NAV3: variants seen among roughly 807,000 people sequenced by gnomAD.
NAV3 encodes neuron navigator 3.
A neutral mutation model predicts 244.7 loss-of-function variants in NAV3; 87 were observed. The observed-to-expected ratio is 0.36, with a 90% CI of 0.30 to 0.42. The LOEUF (loss-of-function observed/expected upper bound fraction) is 0.42, where lower values mean the gene tolerates loss of function less well. NAV3 is among the 20% of genes least tolerant of loss of function. The probability of loss-of-function intolerance (pLI) is 1.00; values close to 1 mark genes in which losing one functional copy is unlikely to be tolerated. For missense variants in NAV3, 2,663 were observed against 2,893.3 expected, an observed-to-expected ratio of 0.92 and a Z score of 1.83; for synonymous variants, 1,126 against 1,042.2, an observed-to-expected ratio of 1.08 and a Z score of -1.55.
chr12:77,916,238 A>G (rs1359646008), intron 1 of NAV3, among the ~76,000 whole-genome samples: 1 of 152,064 alleles, frequency 6.6e-6, no homozygotes, highest in African/African-American at 2.4e-5. Flanking sequence ...TAAATAACAA[A>G]ACAAAAGGAA....
chr12:77,582,058 C>T (rs560061796), intron 2 of NAV3, among the ~76,000 whole-genome samples: 75 of 152,336 alleles, frequency 4.9e-4, no homozygotes, highest in Non-Finnish European at 9.0e-4. Flanking sequence ...GTAATCTTTA[C>T]GTCCACATGA....
At position 77,784,121 on chromosome 12, in the gene NAV3, G is replaced by A. The variant is rs139059667; in HGVS notation, c.73-156198G>A. 6.4e-3 allele frequency among the ~76,000 whole-genome samples: 968 copies of A among 152,166 alleles called. 6 individuals carry two copies. Among genetic ancestry groups the A allele is most frequent in the Non-Finnish European group, 7.1e-3 (482 of 67,988 alleles). ...CTTTCTGAGGAACAAATAAGACTAT[G>A]TACCCAAAGGACTTAGATTAGGACC... On this transcript the variant is annotated intron_variant, in intron 2 of 8. Transcript: ENST00000550042.
intron 1 of NAV3, among the ~76,000 whole-genome samples, chr12:77,850,917 C>T (rs953107589): frequency 5.3e-5 from 8 of 152,156 alleles, no homozygotes; most frequent in African/African-American, 1.9e-4. Flanking sequence ...AACTATTGCT[C>T]ATATTCTGCA....
At chr12:77,804,684 G>A (rs1342493900) in intron 2 of NAV3, among the ~76,000 whole-genome samples, 2 of 151,906 alleles carry the variant, frequency 1.3e-5, no homozygotes, top group African/African-American at 4.8e-5. Context: ...GAAATTTGAA[G>A]TGTTTTTTTT....
At chr12:77,975,908 G>C (rs1269339177) in intron 5 of NAV3, among the ~76,000 whole-genome samples, 1 of 152,168 alleles carries the variant, frequency 6.6e-6, no homozygotes, top group Non-Finnish European at 1.5e-5. Context: ...GTAGCAAGAA[G>C]TCATGGAAAA....
intron 12 of NAV3, among the ~76,000 whole-genome samples, chr12:78,077,148 C>A (rs1300761870): frequency 2.0e-5 from 3 of 151,830 alleles, no homozygotes; most frequent in Non-Finnish European, 4.4e-5. Context: ...AAGTTTTTTT[C>A]ATATTCTTCA....
At chr12:77,707,839 T>C (rs1488689192) in intron 2 of NAV3, among the ~76,000 whole-genome samples, 1 of 152,266 alleles carries the variant, frequency 6.6e-6, no homozygotes, top group African/African-American at 2.4e-5. Flanking sequence ...TTCATGTGTC[T>C]GTTGGCTGCA....
chr12:77,807,192 A>T (rs2203988), intron 2 of NAV3, among the ~76,000 whole-genome samples: 148,572 of 152,288 alleles, frequency 0.98, 72,598 homozygotes, highest in East Asian at 1. Context: ...GTTAATATCG[A>T]CATGTGTGAA....
chr12:77,819,077 T>C (rs999584146), intron 2 of NAV3, among the ~76,000 whole-genome samples: 1 of 152,036 alleles, frequency 6.6e-6, no homozygotes, highest in African/African-American at 2.4e-5. Flanking sequence ...TTAAAATGCA[T>C]TACATGCATT....
chr12:77,905,220 T>C (rs552080781), intron 1 of NAV3, among the ~76,000 whole-genome samples: 66 of 152,270 alleles, frequency 4.3e-4, no homozygotes, highest in African/African-American at 1.5e-3. Context: ...TTAAAATTTA[T>C]AGAATTGCTT....
chr12:77,747,813 C>T (rs1354724736), intron 2 of NAV3, among the ~76,000 whole-genome samples: 3 of 151,804 alleles, frequency 2.0e-5, no homozygotes, highest in African/African-American at 7.3e-5. Context: ...TGTTCTCACT[C>T]ATAGGTGGGA....
rs191573108 is a variant in NAV3 at position 77,899,197 on chromosome 12, A to G, written c.244-41122A>G. On this transcript the variant is annotated intron_variant, in intron 1 of 39. Coordinates refer to ENST00000397909, the MANE Select transcript of NAV3 (RefSeq NM_001024383.2). ...AAACATTGTTGAAATGACAAAAAGG[A>G]TTTACAGTATTATATAACTTAGTTG... 4.2e-4 allele frequency among the ~76,000 whole-genome samples: 64 copies of G among 152,350 alleles called. 1 individual carries two copies. The East Asian group carries it at 0.012, about 29-fold the overall frequency.
At chr12:78,015,806 A>G (rs1469530888) in intron 8 of NAV3, among the ~76,000 whole-genome samples, 1 of 152,100 alleles carries the variant, frequency 6.6e-6, no homozygotes, top group Non-Finnish European at 1.5e-5. Flanking sequence ...AATGTCAATA[A>G]TTAATGACAA....
intron 2 of NAV3, among the ~76,000 whole-genome samples, chr12:77,658,488 G>C (rs948331683): frequency 0.024 from 3,591 of 149,084 alleles, 57 homozygotes; most frequent in Middle Eastern, 0.073. Context: ...AACATTCCAT[G>C]CTCATGGGTA....
At chr12:78,096,768 TG>T (rs1214763758) in intron 12 of NAV3, among the ~76,000 whole-genome samples, 1 of 152,092 alleles carries the variant, frequency 6.6e-6, no homozygotes, top group Non-Finnish European at 1.5e-5. Flanking sequence ...GAGATTTGGG[TG>T]GGGATACCGC....
chr12:78,196,012 C>T (rs976859681), intron 34 of NAV3, among the ~76,000 whole-genome samples: 1 of 151,952 alleles, frequency 6.6e-6, no homozygotes, highest in African/African-American at 2.4e-5. Context: ...TTTTTGTATA[C>T]CCAGGGCTTG....
At chr12:77,784,087 T>C (rs776357575) in intron 2 of NAV3, among the ~76,000 whole-genome samples, 1 of 152,146 alleles carries the variant, frequency 6.6e-6, no homozygotes, top group Non-Finnish European at 1.5e-5. Context: ...AATACTAATT[T>C]AATAGAGACT....
chr12:78,111,593 A>G (rs898095733), intron 12 of NAV3, among the ~76,000 whole-genome samples: 27 of 152,304 alleles, frequency 1.8e-4, no homozygotes, highest in African/African-American at 6.3e-4. Context: ...ACAGAGACTG[A>G]CAATACCAAG....
intron 2 of NAV3, among the ~76,000 whole-genome samples, chr12:77,659,232 GA>G (rs1165273755): frequency 4.0e-5 from 6 of 151,432 alleles, no homozygotes; most frequent in African/African-American, 1.5e-4. Flanking sequence ...CTAATATCCA[GA>G]ATCTACAATG....
Sources: gnomAD v4.1 joint callset for allele counts (sites outside exome capture counted in the v4.1 genomes callset) on GRCh38, gnomAD v4.1.1 for gene constraint, MANE v1.5 for transcripts, NCBI Gene and HGNC (gene_info 2026-07-23, HGNC 2026-07-21) for gene names.